ATP2B1: variants seen among roughly 807,000 people sequenced by gnomAD.
The protein encoded by ATP2B1 is plasma membrane calcium-transporting ATPase 1.
ATP2B1 carries 14 observed loss-of-function variants against 124.2 expected under a neutral mutation model. The ratio of observed to expected loss-of-function variants is 0.11; its 90% CI spans 0.07 to 0.18. ATP2B1 has a LOEUF of 0.18. Ranked by LOEUF, ATP2B1 falls within the 10% of genes least tolerant of loss-of-function variation. ATP2B1 has a pLI of 1.00. For missense variants in ATP2B1, 763 were observed against 1,466.1 expected, an observed-to-expected ratio of 0.52 and a Z score of 7.83; for synonymous variants, 449 against 492.4, an observed-to-expected ratio of 0.91 and a Z score of 1.17.
At chr12:89,679,554 A>G (rs922043231) in intron 1 of ATP2B1, among the ~76,000 whole-genome samples, 3 of 152,296 alleles carry the variant, frequency 2.0e-5, no homozygotes. Context: ...AGAAGTACAA[A>G]TAAAACCATA....
At chr12:89,669,103 CTGCATTTTCTTTTG>C (rs1015969815) in intron 1 of ATP2B1, among the ~76,000 whole-genome samples, 3 of 152,124 alleles carry the variant, frequency 2.0e-5, no homozygotes, top group Admixed American at 6.6e-5. Flanking sequence ...TTCTTGTGTA[CTGCATTTTCTTTTG>C]TGCATTTTCT....
intron 1 of ATP2B1, among the ~76,000 whole-genome samples, chr12:89,703,695 T>A (rs559846203): frequency 6.9e-4 from 105 of 152,244 alleles, no homozygotes; most frequent in Non-Finnish European, 1.4e-3. Flanking sequence ...GTAACTTAAG[T>A]AACCACAGAT....
At chr12:89,708,429 G>C (rs915306807) in intron 1 of ATP2B1, among the ~76,000 whole-genome samples, 167 bp downstream of exon 1, 28 of 152,192 alleles carry the variant, frequency 1.8e-4, no homozygotes, top group African/African-American at 6.0e-4. Flanking sequence ...ACCTGCGAGG[G>C]GCCCCGACCG....
At position 89,630,627 on chromosome 12, in the gene ATP2B1, C is replaced by T; in HGVS notation, c.806G>A (p.Gly269Asp). Reference sequence around the variant, plus strand: ...AGCTGTAACTACCATTCTTCCAGAGCCTTCCATTACATGAGTACCTATAAC... The same window carrying T: ...AGCTGTAACTACCATTCTTCCAGAGTCTTCCATTACATGAGTACCTATAAC... ...LLLSGTHVME[G>D]SGRMVVTAVG... The change falls in exon 6 of 21, where the codon GGC becomes GAC. Residue 269 changes from glycine (G) to aspartate (D), a missense_variant. Transcript: ENST00000428670. 6.3e-7 allele frequency: 1 copy of T among 1,584,240 alleles called. No individual in the cohort carries two copies. Among genetic ancestry groups the T allele is most frequent in the Admixed American group, 1.7e-5 (1 of 57,306 alleles).
intron 3 of ATP2B1, among the ~76,000 whole-genome samples, chr12:89,639,704 C>T (rs1389128208): frequency 1.3e-5 from 2 of 151,804 alleles, no homozygotes; most frequent in African/African-American, 2.4e-5. Flanking sequence ...CTTAGAACAC[C>T]GACAGCTCTA....
At position 89,620,045 on chromosome 12, in the gene ATP2B1, T is replaced by C. The variant is rs759330414; in HGVS notation, c.1783A>G (p.Ser595Gly). 4.3e-6 allele frequency: 7 copies of C among 1,613,966 alleles called. No individual in the cohort carries two copies. In the African/African-American group the frequency reaches 5.3e-5, roughly 12 times the overall value. ...MSTVLKNSDG[S>G]YRIFSKGASE... ...GCACCCTTGCTGAATATTCGATAAC[T>C]TCCATCTGAATTTTTCAGGACAGTA... The change falls in exon 11 of 21, where the codon AGT becomes GGT. Residue 595 changes from serine to glycine, a missense_variant. By Grantham distance (56) the Ser-to-Gly change is moderately conservative. Coordinates refer to ENST00000428670, the MANE Select transcript of ATP2B1 (RefSeq NM_001366521.1).
intron 7 of ATP2B1, among the ~76,000 whole-genome samples, chr12:89,626,833 A>G (rs1449391481): frequency 6.6e-6 from 1 of 152,214 alleles, no homozygotes; most frequent in African/African-American, 2.4e-5. Flanking sequence ...TGTGCTAGGT[A>G]ATGAGGATGA....
chr12:89,596,483 T>A (rs1040552290), intron 20 of ATP2B1, among the ~76,000 whole-genome samples: 1 of 152,142 alleles, frequency 6.6e-6, no homozygotes, highest in African/African-American at 2.4e-5. Context: ...ACCAGAGAAA[T>A]CTGAATACTA....
At chr12:89,613,770 CT>C (rs1165035216) in intron 12 of ATP2B1, among the ~76,000 whole-genome samples, 5 of 152,208 alleles carry the variant, frequency 3.3e-5, no homozygotes, top group Non-Finnish European at 7.3e-5. Context: ...CATTTATTAA[CT>C]GCCTACTAGT....
Position 89,655,819 on chromosome 12 carries a change from T to C in ATP2B1, c.68A>G (p.His23Arg), listed in dbSNP as rs986153546. 11 of 1,613,976 alleles carry C rather than the reference T, an allele frequency of 6.8e-6. No individual in the cohort carries two copies. Among genetic ancestry groups the C allele is most frequent in the Non-Finnish European group, 8.5e-6 (10 of 1,179,922 alleles). ...GAGCGTAATTCCAAAGTCTCCATCA[T>C]GATTAGCTTCCTTCAAAGAGTTTTT... is the stretch of plus-strand genomic sequence containing the variant. ...GVKNSLKEAN[H>R]DGDFGITLAE... The change falls in exon 2 of 21, where the codon CAT becomes CGT. Residue 23 changes from histidine (H) to arginine (R), a missense_variant. Transcript: ENST00000428670.
intron 11 of ATP2B1, 52 bp downstream of exon 11, chr12:89,619,947 C>G: frequency 6.3e-7 from 1 of 1,597,460 alleles, no homozygotes; most frequent in Non-Finnish European, 8.5e-7. Context: ...AGTAGATACT[C>G]CATAAAGCAA....
chr12:89,596,464 T>C (rs2135887184), intron 20 of ATP2B1, among the ~76,000 whole-genome samples: 1 of 152,236 alleles, frequency 6.6e-6, no homozygotes, highest in East Asian at 1.9e-4. Flanking sequence ...AAAGGAAATT[T>C]TGGGGGCAAC....
At chr12:89,624,961 T>C (rs985617863) in intron 8 of ATP2B1, among the ~76,000 whole-genome samples, 3 of 152,242 alleles carry the variant, frequency 2.0e-5, no homozygotes, top group African/African-American at 7.2e-5. Context: ...CTCTGCTCTT[T>C]GACATATGTA....
intron 3 of ATP2B1, among the ~76,000 whole-genome samples, chr12:89,639,449 AGCCGAGATAGT>A (rs1883179423): frequency 6.6e-6 from 1 of 152,044 alleles, no homozygotes; most frequent in African/African-American, 2.4e-5. Flanking sequence ...GGTTGCAGTG[AGCCGAGATAGT>A]GCCACTGCAC....
chr12:89,606,758 A>T (rs892023065), intron 15 of ATP2B1, among the ~76,000 whole-genome samples: 1 of 151,838 alleles, frequency 6.6e-6, no homozygotes, highest in African/African-American at 2.4e-5. Flanking sequence ...TTTAGTAGAG[A>T]CAGGATTTTA....
At chr12:89,632,645 A>AAATCTAAACTTAAG (rs1882052306) in intron 5 of ATP2B1, among the ~76,000 whole-genome samples, 1 of 152,202 alleles carries the variant, frequency 6.6e-6, no homozygotes, top group African/African-American at 2.4e-5. Flanking sequence ...CTGCTTTTAA[A>AAATCTAAACTTAAG]AATCTAAACT....
intron 1 of ATP2B1, among the ~76,000 whole-genome samples, chr12:89,706,972 T>A (rs1892527622): frequency 6.6e-6 from 1 of 152,062 alleles, no homozygotes; most frequent in Admixed American, 6.5e-5. Flanking sequence ...CCTGAAATCA[T>A]AGCTAAATAA....
rs367666268 is a variant in ATP2B1, at chr12:89,628,900, C to T, written c.929-1184G>A. ...CTGAGGGAACTGAGACACATTACCC[C>T]GGACTGCTTCTGAGTAATCGCTAAG... On this transcript the variant is annotated intron_variant, in intron 6 of 20. Transcript: ENST00000428670. Among the ~76,000 whole-genome samples the T allele has an allele frequency of 1.0e-3, 159 of 152,142 alleles. 10 individuals carry two copies. In the South Asian group the frequency reaches 0.031, roughly 30 times the overall value.
At chr12:89,626,662 A>G (rs1880917992) in intron 7 of ATP2B1, 47 bp from the exon 8 acceptor site, 2 of 1,530,274 alleles carry the variant, frequency 1.3e-6, no homozygotes, top group Non-Finnish European at 1.7e-6. Flanking sequence ...AAAGGCACAT[A>G]TCACTATTAA....
Sources: gnomAD v4.1 joint callset for allele counts (sites outside exome capture counted in the v4.1 genomes callset) on GRCh38, gnomAD v4.1.1 for gene constraint, MANE v1.5 for transcripts, NCBI Gene and HGNC (gene_info 2026-07-23, HGNC 2026-07-21) for gene names.